DYNC2H1: variants seen among roughly 807,000 people sequenced by gnomAD.
DYNC2H1 encodes the protein cytoplasmic dynein 2 heavy chain 1.
A neutral mutation model predicts 570.0 loss-of-function variants in DYNC2H1; 410 were observed. The observed-to-expected ratio is 0.72, with a 90% confidence interval of 0.66 to 0.78. DYNC2H1 has a LOEUF of 0.78. Ranked by LOEUF, DYNC2H1 falls within the 30% of genes least tolerant of loss-of-function variation. The pLI, the probability that DYNC2H1 is intolerant of heterozygous loss-of-function variation, is 0.00. For synonymous variants in DYNC2H1, 1,688 were observed against 1,677.6 expected (o/e 1.01, Z -0.15); for missense variants, 4,865 against 5,046.4 (o/e 0.96, Z 1.09).
chr11:103,332,722 C>T (rs894602666), intron 82 of DYNC2H1, among the ~76,000 whole-genome samples: 14 of 152,208 alleles, frequency 9.2e-5, no homozygotes, highest in African/African-American at 3.4e-4. Flanking sequence ...TCTTTCTCGG[C>T]TGGGCACAGT....
rs1428368091 is a variant in DYNC2H1 at position 103,122,900 on chromosome 11, A to G, written c.1561A>G (p.Lys521Glu). The change falls in exon 11 of 89, where the codon AAA becomes GAA. Residue 521 changes from lysine (K) to glutamate (E), a missense_variant. Coordinates refer to ENST00000375735, the MANE Select transcript of DYNC2H1 (RefSeq NM_001377.3). The stretch of plus-strand genomic sequence containing the variant: ...ATTTCGATGTTTCCATCAAAGTGCC[A>G]AAGATCTCTTAGACCAGCTTAAACT... ...PGFRCFHQSA[K>E]DLLDQLKLYE... 1.9e-6 allele frequency: 3 copies of G among 1,613,050 alleles called. No homozygotes were observed. Among genetic ancestry groups the G allele is most frequent in the Non-Finnish European group, 2.5e-6 (3 of 1,179,548 alleles).
chr11:103,199,131 T>C lies in DYNC2H1; in HGVS notation c.7840-97T>C, dbSNP rs564908750. The C allele has an allele frequency of 3.6e-6, 3 of 836,078 alleles. No homozygotes were observed. In the East Asian group the frequency reaches 8.6e-5, roughly 24 times the overall value. The allele number at this position is 836,078 out of a possible 1,614,324, so 51.8% of individuals were successfully genotyped here. On this transcript the variant is annotated intron_variant, in intron 48 of 88. Coordinates refer to ENST00000375735, the MANE Select transcript of DYNC2H1 (RefSeq NM_001377.3). The surrounding 1 kb of genome is among the most constrained non-coding windows in gnomAD (Gnocchi z 4.6). ...TAGTCACTTTACTTTTTTTCTTGAA[T>C]GTATCAAAAATATAATATTTTAACC... is the stretch of plus-strand genomic sequence containing the variant.
At chr11:103,329,631 T>C (rs572777649) in intron 82 of DYNC2H1, among the ~76,000 whole-genome samples, 1 of 152,298 alleles carries the variant, frequency 6.6e-6, no homozygotes, top group East Asian at 1.9e-4. Flanking sequence ...AGCATGTTTT[T>C]TTCTGTACTC....
intron 55 of DYNC2H1, among the ~76,000 whole-genome samples, chr11:103,216,826 C>T (rs1042229740): frequency 2.6e-5 from 4 of 151,918 alleles, no homozygotes; most frequent in Admixed American, 2.6e-4. Context: ...TTAAACATGT[C>T]TTCTTGGAAG....
chr11:103,235,869 TA>T, intron 62 of DYNC2H1, 56 bp downstream of exon 62: 1 of 1,592,228 alleles, frequency 6.3e-7, no homozygotes, highest in South Asian at 1.1e-5. Flanking sequence ...TTCCTGAATT[TA>T]AAATTTCAAT....
At chr11:103,164,083 C>A (rs1196861580) in intron 30 of DYNC2H1, among the ~76,000 whole-genome samples, 3 of 152,088 alleles carry the variant, frequency 2.0e-5, no homozygotes, top group African/African-American at 4.8e-5. Context: ...ATTGTAGAAC[C>A]AGAGTAGACT....
In DYNC2H1 at chr11:103,244,689, G is replaced by T. The variant is rs1000440770; in HGVS notation, c.9919-562G>T. 6.8e-6 allele frequency among the ~76,000 whole-genome samples: 1 copy of T among 147,392 alleles called. No homozygotes were observed. Among genetic ancestry groups the T allele is most frequent in the Non-Finnish European group, 1.5e-5 (1 of 67,056 alleles). On this transcript the variant is annotated intron_variant, in intron 64 of 88. Transcript: ENST00000375735. The surrounding 1 kb of genome is among the most constrained non-coding windows in gnomAD (Gnocchi z 4.3). ...TAAGTACTATATATCTATGGTTATAGTTATATACATATATCACTATACTAT... is the reference window on the plus strand; with the variant it reads ...TAAGTACTATATATCTATGGTTATATTTATATACATATATCACTATACTAT...
Position 103,307,800 on chromosome 11 carries a change from T to A in DYNC2H1, c.11462T>A (p.Leu3821Ter). 6.2e-7 allele frequency: 1 copy of A among 1,602,772 alleles called. No homozygotes were observed. The highest frequency in any genetic ancestry group is 8.5e-7 in the Non-Finnish European group (1 of 1,173,616). The change falls in exon 78 of 89, where the codon TTA becomes TAA. Residue 3821 changes from leucine to a stop codon, truncating the protein, a stop_gained. Transcript: ENST00000375735. LOFTEE classifies it high-confidence loss of function. ...AEVHPNFTPI[L>*]LQSSLKITYE... ...GTTCATCCCAACTTTACTCCTATTTTACTACAGTCAAGTCTGAAGATAACA... is the reference window on the plus strand; with the variant it reads ...GTTCATCCCAACTTTACTCCTATTTAACTACAGTCAAGTCTGAAGATAACA...
chr11:103,148,801 G>C (rs1383368601), intron 20 of DYNC2H1, among the ~76,000 whole-genome samples, 184 bp downstream of exon 20: 1 of 152,128 alleles, frequency 6.6e-6, no homozygotes, highest in Non-Finnish European at 1.5e-5. Flanking sequence ...GCTCACGCCT[G>C]TAATCTCAGT....
chr11:103,233,879 G>GTGTGT (rs1591449500), intron 60 of DYNC2H1, among the ~76,000 whole-genome samples, 155 bp from the exon 61 acceptor site: 1 of 45,144 alleles, frequency 2.2e-5, no homozygotes, highest in South Asian at 5.5e-4. Context: ...TGTGTGTGTG[G>GTGTGT]GTTTGTCTCT....
chr11:103,296,897 A>T (rs939775465), intron 75 of DYNC2H1, among the ~76,000 whole-genome samples: 1 of 151,786 alleles, frequency 6.6e-6, no homozygotes, highest in African/African-American at 2.4e-5. Flanking sequence ...CTTGATTGTT[A>T]TGTTTCTTTT....
At chr11:103,152,320 C>CT (rs755356833) in intron 21 of DYNC2H1, 35 bp downstream of exon 21, 14 of 1,532,942 alleles carry the variant, frequency 9.1e-6, no homozygotes, top group Non-Finnish European at 1.2e-5. Flanking sequence ...AAAATGGGAA[C>CT]TTTTTTCTTA....
intron 17 of DYNC2H1, among the ~76,000 whole-genome samples, chr11:103,139,335 T>C (rs1221101988): frequency 2.6e-5 from 4 of 151,278 alleles, no homozygotes; most frequent in African/African-American, 9.7e-5. Context: ...TTTCCTGCTT[T>C]CTCTTGTGGG....
At chr11:103,315,306 A>G (rs1362298454) in intron 79 of DYNC2H1, among the ~76,000 whole-genome samples, 2 of 152,048 alleles carry the variant, frequency 1.3e-5, no homozygotes. Context: ...GCTATGTTTT[A>G]ATTGACGAAA....
chr11:103,214,783 C>G (rs1185931151), intron 54 of DYNC2H1, among the ~76,000 whole-genome samples: 2 of 138,882 alleles, frequency 1.4e-5, no homozygotes, highest in African/African-American at 5.7e-5. Flanking sequence ...CATGAGATGT[C>G]TTTCCCTTTT....
At chr11:103,282,022 T>C in intron 71 of DYNC2H1, 157 bp from the exon 72 acceptor site, 1 of 555,606 alleles carries the variant, frequency 1.8e-6, no homozygotes, top group Non-Finnish European at 3.1e-6. Context: ...CATTAATTCA[T>C]TCTTGATAAT....
chr11:103,136,721 A>G (rs539592719), intron 17 of DYNC2H1, among the ~76,000 whole-genome samples: 1 of 152,062 alleles, frequency 6.6e-6, no homozygotes, highest in Non-Finnish European at 1.5e-5. Flanking sequence ...CATGATTTAT[A>G]GTCCTTTGGG....
At chr11:103,178,032 C>T (rs1388643869) in intron 38 of DYNC2H1, among the ~76,000 whole-genome samples, 5 of 151,892 alleles carry the variant, frequency 3.3e-5, no homozygotes, top group Non-Finnish European at 7.4e-5. Context: ...ATAATAGAAA[C>T]TTAGAGTAAG....
Position 103,109,674 on chromosome 11 carries a change from T to C in DYNC2H1, c.100T>C (p.Cys34Arg). The change falls in exon 1 of 89, where the codon TGC becomes CGC. Residue 34 changes from cysteine to arginine, a missense_variant. By Grantham distance (180) the Cys-to-Arg change is radical (BLOSUM62 -3). Transcript: ENST00000375735. ...MSELWDQPLL[C>R]NCLEINNFLD... ...TGAACTCTGGGATCAGCCACTGTTG[T>C]GCAACTGTCTTGAAATCAACAACTT... The C allele has an allele frequency of 1.2e-6, 2 of 1,613,968 alleles. No individual in the cohort carries two copies. Among genetic ancestry groups the C allele is most frequent in the Non-Finnish European group, 1.7e-6 (2 of 1,179,886 alleles).
Sources: allele counts gnomAD v4.1 joint callset (sites outside exome capture counted in the v4.1 genomes callset), GRCh38; gene constraint gnomAD v4.1.1; non-coding constraint Gnocchi (gnomAD v3.1); transcripts MANE v1.5; gene names NCBI Gene and HGNC (gene_info 2026-07-23, HGNC 2026-07-21).